NTN4: variants seen among roughly 807,000 people sequenced by gnomAD.
NTN4 encodes netrin-4.
A neutral mutation model predicts 73.6 loss-of-function variants in NTN4; 32 were observed. The ratio of observed to expected loss-of-function variants is 0.44; its 90% CI spans 0.33 to 0.58. NTN4 has a LOEUF of 0.58. Ranked by LOEUF, NTN4 falls within the 20% of genes least tolerant of loss-of-function variation. The pLI is 0.04. For missense variants in NTN4, 654 were observed against 798.3 expected (o/e 0.82, Z 2.18); for synonymous variants, 258 against 287.5 (o/e 0.90, Z 1.04).
At chr12:95,746,898 C>T (rs1447244909) in intron 2 of NTN4, among the ~76,000 whole-genome samples, 3 of 152,064 alleles carry the variant, frequency 2.0e-5, no homozygotes, top group East Asian at 3.9e-4. Context: ...TACTTTAAAA[C>T]AATTGTTTCA....
intron 2 of NTN4, among the ~76,000 whole-genome samples, chr12:95,779,788 C>T (rs1195239803): frequency 2.0e-5 from 3 of 152,050 alleles, no homozygotes; most frequent in South Asian, 2.1e-4. Context: ...ACTTTCTTCA[C>T]AAAATTGGAA....
At chr12:95,710,314 C>T (rs920555684) in intron 5 of NTN4, 127 bp downstream of exon 5, 5 of 664,882 alleles carry the variant, frequency 7.5e-6, no homozygotes, top group African/African-American at 3.6e-5. Context: ...AGAAATTAAC[C>T]GATATCTGTG....
At chr12:95,676,295 C>T (rs563390123) in intron 7 of NTN4, among the ~76,000 whole-genome samples, 26 of 151,930 alleles carry the variant, frequency 1.7e-4, no homozygotes, top group African/African-American at 5.8e-4. Flanking sequence ...TAAGTAGAGA[C>T]GGGGTTTTGT....
chr12:95,707,241 C>T (rs941651854), intron 5 of NTN4, among the ~76,000 whole-genome samples: 5 of 152,072 alleles, frequency 3.3e-5, no homozygotes, highest in African/African-American at 1.2e-4. Flanking sequence ...GATTTTCTCC[C>T]CTCCCCAGTC....
intron 2 of NTN4, among the ~76,000 whole-genome samples, chr12:95,745,440 C>G (rs778912027): frequency 2.6e-5 from 4 of 151,968 alleles, no homozygotes; most frequent in Non-Finnish European, 4.4e-5. Flanking sequence ...GTCTACTAAT[C>G]CTGTTTGGTA....
intron 2 of NTN4, among the ~76,000 whole-genome samples, chr12:95,740,374 G>T (rs1046649502): frequency 6.6e-6 from 1 of 152,140 alleles, no homozygotes; most frequent in African/African-American, 2.4e-5. Flanking sequence ...AGCCTCTTCT[G>T]TGTTTTGTTC....
rs1055036566 is a variant in NTN4 at position 95,790,182 on chromosome 12, C to A, written c.55+73G>T. 4.4e-6 allele frequency: 6 copies of A among 1,365,204 alleles called. No individual in the cohort carries two copies. In the African/African-American group the frequency reaches 6.0e-5, roughly 14 times the overall value. 84.6% of individuals were successfully genotyped at this position (1,365,204 alleles called of 1,614,324 possible). A position where few individuals can be genotyped will look rare whatever the true frequency, so the allele number is the denominator to read the frequency against. On this transcript the variant is annotated intron_variant, in intron 1 of 9. Transcript: ENST00000343702. The surrounding 1 kb of genome is among the most constrained non-coding windows in gnomAD (Gnocchi z 6.5). Reference sequence around the variant, plus strand: ...TGCGCTCGCAGCCCTGGCTCCCCTGCACCCCCGAGTCCCGAGATGGGTTAG... The same window carrying A: ...TGCGCTCGCAGCCCTGGCTCCCCTGAACCCCCGAGTCCCGAGATGGGTTAG...
intron 3 of NTN4, among the ~76,000 whole-genome samples, chr12:95,724,768 T>G (rs1418524610): frequency 6.6e-6 from 1 of 152,190 alleles, no homozygotes; most frequent in Non-Finnish European, 1.5e-5. Context: ...CAAGCCAAAT[T>G]GCTACTAGGT....
At chr12:95,659,518 G>A (rs1272407137) in intron 9 of NTN4, among the ~76,000 whole-genome samples, 1 of 151,840 alleles carries the variant, frequency 6.6e-6, no homozygotes, top group Admixed American at 6.6e-5. Flanking sequence ...GGCTGGTCTC[G>A]AGCTCCTGAA....
chr12:95,658,998 A>G lies in NTN4; in HGVS notation c.*88T>C, dbSNP rs1565873580. On this transcript the variant is annotated 3_prime_UTR_variant, in exon 10 of 10. Coordinates refer to ENST00000343702, the MANE Select transcript of NTN4 (RefSeq NM_021229.4). ...TTCTATATGTTTTGGCACTTTAAAA[A>G]ATTCCAGTTTCCTGTCTGAGGTCTT... 7.5e-7 allele frequency: 1 copy of G among 1,327,508 alleles called. No individual in the cohort carries two copies. The highest frequency in any genetic ancestry group is 1.5e-5 in the African/African-American group (1 of 67,950). 82.2% of individuals were successfully genotyped at this position (1,327,508 alleles called of 1,614,324 possible).
At chr12:95,725,894 G>A (rs1467014400) in intron 3 of NTN4, among the ~76,000 whole-genome samples, 1 of 152,122 alleles carries the variant, frequency 6.6e-6, no homozygotes. Flanking sequence ...GTGACTATCT[G>A]TGTATGGCCA....
intron 2 of NTN4, among the ~76,000 whole-genome samples, chr12:95,767,910 C>T (rs1189127271): frequency 6.6e-6 from 1 of 152,140 alleles, no homozygotes; most frequent in Non-Finnish European, 1.5e-5. Context: ...AGAAATCACA[C>T]CGACCAACTG....
chr12:95,699,545 A>G (rs1024360246), intron 5 of NTN4, among the ~76,000 whole-genome samples: 1 of 152,128 alleles, frequency 6.6e-6, no homozygotes, highest in African/African-American at 2.4e-5. Flanking sequence ...AAGAATGGCA[A>G]TAGAGACTGA....
At chr12:95,744,067 A>G (rs1235093287) in intron 2 of NTN4, among the ~76,000 whole-genome samples, 3 of 152,068 alleles carry the variant, frequency 2.0e-5, no homozygotes, top group Admixed American at 2.0e-4. Flanking sequence ...ACGCCCGGCT[A>G]ATTTTTGCAT....
At chr12:95,695,441 T>G (rs1190732839) in intron 5 of NTN4, among the ~76,000 whole-genome samples, 1 of 152,124 alleles carries the variant, frequency 6.6e-6, no homozygotes, top group South Asian at 2.1e-4. Context: ...CTTGGTTTAC[T>G]GCAACCTCCA....
At chr12:95,784,031 A>G (rs572902812) in intron 2 of NTN4, among the ~76,000 whole-genome samples, 1 of 152,352 alleles carries the variant, frequency 6.6e-6, no homozygotes, top group Admixed American at 6.5e-5. Context: ...AATTAATAGG[A>G]TAATACCTAG....
chr12:95,738,144 C>T lies in NTN4; in HGVS notation c.586G>A (p.Val196Ile), dbSNP rs772470208. The T allele has an allele frequency of 1.2e-6, 2 of 1,609,440 alleles. No individual in the cohort carries two copies. The highest frequency in any genetic ancestry group is 1.7e-5 in the Admixed American group (1 of 59,570). Residue 196 changes from valine to isoleucine, a missense_variant and splice_region_variant, in exon 3 of 10, where the codon GTT (valine) becomes ATT (isoleucine). Transcript: ENST00000343702. ...SSPFPCTGGEVIFKALSPPYD... is the reference protein window; with the variant it reads ...SSPFPCTGGEIIFKALSPPYD... Reference sequence around the variant, plus strand: ...GGTGGTGACAAAGCTTTGAAAATAACCTGTAAGGAGAAAGAAAATACCATG... The same window carrying T: ...GGTGGTGACAAAGCTTTGAAAATAATCTGTAAGGAGAAAGAAAATACCATG...
chr12:95,768,879 C>T (rs1323217951), intron 2 of NTN4, among the ~76,000 whole-genome samples: 10 of 152,140 alleles, frequency 6.6e-5, no homozygotes, highest in Admixed American at 4.6e-4. Context: ...GGTGGATGAT[C>T]GAAGCTGGCT....
At chr12:95,692,479 G>A (rs1033271997) in intron 5 of NTN4, among the ~76,000 whole-genome samples, 3 of 152,314 alleles carry the variant, frequency 2.0e-5, no homozygotes, top group Non-Finnish European at 4.4e-5. Context: ...TTAGATAATT[G>A]CTGAATATGA....
Sources: allele counts gnomAD v4.1 joint callset (sites outside exome capture counted in the v4.1 genomes callset), GRCh38; gene constraint gnomAD v4.1.1; non-coding constraint Gnocchi (gnomAD v3.1); transcripts MANE v1.5; gene names NCBI Gene and HGNC (gene_info 2026-07-23, HGNC 2026-07-21).